PNLIPRP1: variants seen among roughly 807,000 people sequenced by gnomAD.
PNLIPRP1 encodes inactive pancreatic lipase-related protein 1.
In PNLIPRP1, 57 loss-of-function variants were observed where a neutral mutation model predicts 54.6. The observed-to-expected ratio is 1.04, with a 90% CI of 0.84 to 1.30. The LOEUF is 1.30. Ranked by LOEUF, PNLIPRP1 falls within the 50% of genes most tolerant of loss-of-function variation. The probability of loss-of-function intolerance (pLI) is 0.00; values close to 1 mark genes in which losing one functional copy is unlikely to be tolerated. For missense variants in PNLIPRP1, 567 were observed against 568.5 expected, an observed-to-expected ratio of 1.00 and a Z score of 0.03; for synonymous variants, 232 against 208.8, an observed-to-expected ratio of 1.11 and a Z score of -0.96.
intron 6 of PNLIPRP1, 114 bp from the exon 7 acceptor site, chr10:116,597,714 G>C: frequency 4.2e-6 from 5 of 1,189,722 alleles, no homozygotes; most frequent in Non-Finnish European, 6.1e-6. Context: ...GCATCACTCT[G>C]GTGCATGGTA....
intron 9 of PNLIPRP1, 117 bp downstream of exon 9, chr10:116,600,282 TC>T (rs142313911): frequency 2.7e-6 from 2 of 738,070 alleles, no homozygotes; most frequent in Non-Finnish European, 4.8e-6. Context: ...CCCTCAGAGT[TC>T]ATGGTCCTGT....
chr10:116,595,051 A>C lies in PNLIPRP1; in HGVS notation c.465+187A>C, dbSNP rs1398563033. 7.9e-6 allele frequency: 5 copies of C among 636,438 alleles called. No individual in the cohort carries two copies. In the African/African-American group the frequency reaches 9.1e-5, roughly 12 times the overall value. 39.4% of individuals were successfully genotyped at this position (636,438 alleles called of 1,614,324 possible). A position where few individuals can be genotyped will look rare whatever the true frequency, so the allele number is the denominator to read the frequency against. On this transcript the variant is annotated intron_variant, in intron 5 of 12. Transcript: ENST00000358834. ...GGAAGCAAAAATAAGAATCGCTAAC[A>C]CTTAGAAAGTGGTTTTTTAAAAATC...
rs151014655 is a variant in PNLIPRP1 at position 116,598,116 on chromosome 10, G to A, written c.764G>A (p.Cys255Tyr). 7 of 1,614,040 alleles carry A rather than the reference G, an allele frequency of 4.3e-6. No individual in the cohort carries two copies. In the African/African-American group the frequency reaches 6.7e-5, roughly 15 times the overall value. Residue 255 changes from cysteine (C) to tyrosine (Y), a missense_variant, in exon 8 of 13, where the codon TGC (cysteine) becomes TAC (tyrosine). Physicochemically the swap from Cys to Tyr is radical, Grantham distance 194. Coordinates refer to ENST00000358834, the MANE Select transcript of PNLIPRP1 (RefSeq NM_006229.4). Reference sequence around the variant, plus strand: ...AATGGAGGAGAGAGCATGCCGGGATGCAAGAAGAATGCCCTGTCTCAGATC... The same window carrying A: ...AATGGAGGAGAGAGCATGCCGGGATACAAGAAGAATGCCCTGTCTCAGATC... ...FPNGGESMPG[C>Y]KKNALSQIVD...
intron 5 of PNLIPRP1, 49 bp from the exon 6 acceptor site, chr10:116,596,165 G>A (rs782280100): frequency 4.6e-6 from 6 of 1,312,512 alleles, no homozygotes; most frequent in Middle Eastern, 1.8e-4. Flanking sequence ...TGGCATTTTA[G>A]AAAAACCACA....
rs782147974 is a variant in PNLIPRP1 at position 116,605,410 on chromosome 10, C to T, written c.1197C>T (p.Thr399=). 2.5e-6 allele frequency: 4 copies of T among 1,604,760 alleles called. No individual in the cohort carries two copies. Among genetic ancestry groups the T allele is most frequent in the African/African-American group, 1.3e-5 (1 of 74,770 alleles). ...GGGGGATTCTCAAACCAGGCTCAAC[C>T]CATTCCTATGAGTTTGATGCAAAGC... ...IFRGILKPGS[T]HSYEFDAKLD... is the part of the protein sequence containing the mutation. The change falls in exon 12 of 13, where the codon ACC becomes ACT. Residue 399 remains threonine (T), a synonymous_variant. Coordinates refer to ENST00000358834, the MANE Select transcript of PNLIPRP1 (RefSeq NM_006229.4).
chr10:116,598,405 A>G (rs1847774493), intron 8 of PNLIPRP1, among the ~76,000 whole-genome samples: 1 of 152,218 alleles, frequency 6.6e-6, no homozygotes. Context: ...AGCAACAAAG[A>G]ATTATAAAAC....
intron 9 of PNLIPRP1, 95 bp downstream of exon 9, chr10:116,600,260 G>A (rs372838835): frequency 1.5e-5 from 12 of 799,348 alleles, no homozygotes; most frequent in East Asian, 4.9e-5. Flanking sequence ...CTCACTACAC[G>A]TTTTGCATTG....
Position 116,592,478 on chromosome 10 carries a change from C to T in PNLIPRP1, c.267C>T (p.Thr89=). Residue 89 remains threonine (T), a synonymous_variant, in exon 4 of 13, where the codon ACC becomes ACT. Coordinates refer to ENST00000358834, the MANE Select transcript of PNLIPRP1 (RefSeq NM_006229.4). ...CAAATTTTCAAATGGACAGAAAGAC[C>T]CGGTTCATCATCCATGGCTTCATAG... ...EASNFQMDRK[T]RFIIHGFIDK... 1.2e-6 allele frequency: 2 copies of T among 1,613,876 alleles called. No homozygotes were observed. Among genetic ancestry groups the T allele is most frequent in the Middle Eastern group, 1.7e-4 (1 of 6,060 alleles).
chr10:116,602,329 A>ATT (rs35072359), intron 10 of PNLIPRP1, among the ~76,000 whole-genome samples: 4 of 151,804 alleles, frequency 2.6e-5, no homozygotes, highest in African/African-American at 7.3e-5. Context: ...CACTCTGTGT[A>ATT]TTTTTTTTGT....
chr10:116,594,779 A>G lies in PNLIPRP1; in HGVS notation c.380A>G (p.Lys127Arg). ...AACTGCATCTGCGTGGACTGGAAGA[A>G]GGGCTCCCAAGCCACCTACACACAG... ...EVNCICVDWK[K>R]GSQATYTQAA... Residue 127 changes from lysine to arginine, a missense_variant, in exon 5 of 13, where the codon AAG becomes AGG. Coordinates refer to ENST00000358834, the MANE Select transcript of PNLIPRP1 (RefSeq NM_006229.4). The G allele has an allele frequency of 1.9e-6, 3 of 1,614,086 alleles. No individual in the cohort carries two copies. Among genetic ancestry groups the G allele is most frequent in the Non-Finnish European group, 2.5e-6 (3 of 1,180,024 alleles).
rs992152840 is a variant in PNLIPRP1, at chr10:116,601,191, C to A, written c.1053C>A (p.Ser351Arg). 12 of 1,612,420 alleles carry A rather than the reference C, an allele frequency of 7.4e-6. No homozygotes were observed. Among genetic ancestry groups the A allele is most frequent in the Non-Finnish European group, 8.5e-6 (10 of 1,179,562 alleles). The stretch of plus-strand genomic sequence containing the variant: ...TCTTCTTGAACACAGGAGAGGCTAG[C>A]AATTTCGCTCGTAAGTTGCACTTTG... ...QKFFLNTGEA[S>R]NFARWRYGVS... Residue 351 changes from serine to arginine, a missense_variant, in exon 10 of 13, where the codon AGC becomes AGA. Physicochemically the swap from Ser to Arg is moderately radical, Grantham distance 110 (BLOSUM62 -1). Coordinates refer to ENST00000358834, the MANE Select transcript of PNLIPRP1 (RefSeq NM_006229.4).
At position 116,601,926 on chromosome 10, in the gene PNLIPRP1, A is replaced by G. The variant is rs547496564; in HGVS notation, c.1063+725A>G. ...GCAAAATGCACGCTGTTTAGCATACACTTGTATGAGTTTGGACAAATGAAT... is the reference window on the plus strand; with the variant it reads ...GCAAAATGCACGCTGTTTAGCATACGCTTGTATGAGTTTGGACAAATGAAT... On this transcript the variant is annotated intron_variant, in intron 10 of 12. Coordinates refer to ENST00000358834, the MANE Select transcript of PNLIPRP1 (RefSeq NM_006229.4). Among the ~76,000 whole-genome samples the G allele has an allele frequency of 1.9e-3, 285 of 152,340 alleles. 2 individuals are homozygous for G. Among genetic ancestry groups the G allele is most frequent in the Non-Finnish European group, 3.4e-3 (232 of 68,040 alleles).
At chr10:116,594,124 T>C (rs1847691927) in intron 4 of PNLIPRP1, among the ~76,000 whole-genome samples, 1 of 152,178 alleles carries the variant, frequency 6.6e-6, no homozygotes, top group African/African-American at 2.4e-5. Flanking sequence ...GCTGGTAATA[T>C]GTACTGCCTG....
In PNLIPRP1 at chr10:116,605,370, G is replaced by A. The variant is rs1847919372; in HGVS notation, c.1173-16G>A. ...CATTTCCGTGAACAGGGATGTTTAT[G>A]TTTCTCTATTTCAAGGGGGATTCTC... On this transcript the variant is annotated splice_polypyrimidine_tract_variant and intron_variant, in intron 11 of 12. Coordinates refer to ENST00000358834, the MANE Select transcript of PNLIPRP1 (RefSeq NM_006229.4). The A allele has an allele frequency of 6.5e-7, 1 of 1,530,128 alleles. No homozygotes were observed. Among genetic ancestry groups the A allele is most frequent in the Non-Finnish European group, 8.9e-7 (1 of 1,119,784 alleles). 94.8% of individuals were successfully genotyped at this position (1,530,128 alleles called of 1,614,324 possible).
At chr10:116,594,514 AAT>A in intron 4 of PNLIPRP1, 1 of 611,886 alleles carries the variant, frequency 1.6e-6, no homozygotes, top group East Asian at 2.9e-5. Flanking sequence ...GCCAGCTTCC[AAT>A]TAATCTGCAA....
intron 10 of PNLIPRP1, 70 bp from the exon 11 acceptor site, chr10:116,603,960 G>A: frequency 2.6e-6 from 2 of 755,396 alleles, no homozygotes; most frequent in Non-Finnish European, 4.4e-6. Context: ...GTAAGAGAAG[G>A]AGACAAGTCT....
At chr10:116,608,352 G>A (rs781873248) in intron 12 of PNLIPRP1, among the ~76,000 whole-genome samples, 9 of 152,122 alleles carry the variant, frequency 5.9e-5, no homozygotes, top group South Asian at 2.1e-4. Context: ...AACTAGCCCC[G>A]AAGCACTCAA....
At chr10:116,592,198 G>C (rs1033908312) in intron 3 of PNLIPRP1, 9 of 644,428 alleles carry the variant, frequency 1.4e-5, no homozygotes, top group Non-Finnish European at 2.1e-5. Flanking sequence ...CCACAGGGAA[G>C]GTAAAACCTC....
chr10:116,598,130 C>T lies in PNLIPRP1; in HGVS notation c.778C>T (p.Leu260=), dbSNP rs782086958. 6.2e-7 allele frequency: 1 copy of T among 1,613,902 alleles called. No individual in the cohort carries two copies. The highest frequency in any genetic ancestry group is 1.3e-5 in the African/African-American group (1 of 74,906). Residue 260 remains leucine, a synonymous_variant, in exon 8 of 13, where the codon CTG becomes TTG. Transcript: ENST00000358834. ...ESMPGCKKNA[L]SQIVDLDGIW... ...CATGCCGGGATGCAAGAAGAATGCC[C>T]TGTCTCAGATCGTGGATCTAGATGG...
Sources: gnomAD v4.1 joint callset for allele counts (sites outside exome capture counted in the v4.1 genomes callset) on GRCh38, gnomAD v4.1.1 for gene constraint, MANE v1.5 for transcripts, NCBI Gene and HGNC (gene_info 2026-07-23, HGNC 2026-07-21) for gene names.